PXYLP1: variants seen among roughly 807,000 people sequenced by gnomAD.
PXYLP1 encodes the protein 2-phosphoxylose phosphatase 1.
In PXYLP1, 17 loss-of-function variants were observed where a neutral mutation model predicts 37.9. That is an observed-to-expected ratio of 0.45 (90% CI 0.31 to 0.67). The LOEUF (loss-of-function observed/expected upper bound fraction) is 0.67. Ranked by LOEUF, PXYLP1 falls within the 30% of genes least tolerant of loss-of-function variation. PXYLP1 has a pLI of 0.07. For synonymous variants in PXYLP1, 221 were observed against 232.2 expected (o/e 0.95, Z 0.44); for missense variants, 511 against 612.0 (o/e 0.84, Z 1.74).
At chr3:141,232,891 C>T (rs1457337882) in intron 1 of PXYLP1, among the ~76,000 whole-genome samples, 2 of 151,288 alleles carry the variant, frequency 1.3e-5, no homozygotes, top group South Asian at 4.2e-4. Flanking sequence ...TGTGGAAAGG[C>T]AAGGATCCTT....
intron 3 of PXYLP1, 66 bp downstream of exon 3, chr3:141,278,566 C>A: frequency 6.3e-7 from 1 of 1,585,004 alleles, no homozygotes. Flanking sequence ...CAGCATTGCA[C>A]AGCAGTAAGG....
intron 1 of PXYLP1, among the ~76,000 whole-genome samples, chr3:141,257,922 AAAAAGAGAGAG>A (rs1158116422): frequency 1.0e-4 from 15 of 148,740 alleles, no homozygotes; most frequent in African/African-American, 3.9e-4. Flanking sequence ...AAAAAAAAAA[AAAAAGAGAGAG>A]AGAGAGAAAG....
chr3:141,255,725 A>G (rs1053903838), intron 1 of PXYLP1, among the ~76,000 whole-genome samples: 1 of 152,228 alleles, frequency 6.6e-6, no homozygotes, highest in Non-Finnish European at 1.5e-5. Flanking sequence ...AGATGGCAGG[A>G]AGGGAACCAA....
At chr3:141,278,255 A>T in intron 2 of PXYLP1, 87 bp from the exon 3 acceptor site, 1 of 1,478,440 alleles carries the variant, frequency 6.8e-7, no homozygotes, top group South Asian at 1.2e-5. Flanking sequence ...ATAGCTCCTC[A>T]AAGTGAAATC....
At chr3:141,255,852 C>T (rs995653462) in intron 1 of PXYLP1, among the ~76,000 whole-genome samples, 1 of 152,194 alleles carries the variant, frequency 6.6e-6, no homozygotes, top group African/African-American at 2.4e-5. Flanking sequence ...CCAGAAAGAG[C>T]CAGTTGGCTG....
chr3:141,281,531 T>C (rs1941956333), intron 4 of PXYLP1, among the ~76,000 whole-genome samples: 1 of 152,018 alleles, frequency 6.6e-6, no homozygotes, highest in African/African-American at 2.4e-5. Context: ...GCAGCAGTGG[T>C]GGCAGCATTA....
At chr3:141,284,445 G>A (rs1230782517) in intron 4 of PXYLP1, among the ~76,000 whole-genome samples, 6 of 152,174 alleles carry the variant, frequency 3.9e-5, no homozygotes, top group Admixed American at 3.9e-4. Flanking sequence ...TCAGAAATAG[G>A]ATCTAACCAA....
At chr3:141,262,131 T>C (rs886805067) in intron 2 of PXYLP1, 3 of 329,924 alleles carry the variant, frequency 9.1e-6, no homozygotes, top group African/African-American at 6.7e-5. Flanking sequence ...GAGGAGACTT[T>C]GAGGAAGTTT....
intron 1 of PXYLP1, among the ~76,000 whole-genome samples, chr3:141,243,065 G>A (rs759602075): frequency 6.6e-6 from 1 of 152,192 alleles, no homozygotes; most frequent in Non-Finnish European, 1.5e-5. Context: ...TGGTCTCAGT[G>A]CCAGGGAGGG....
At chr3:141,258,263 C>T (rs907297876) in intron 1 of PXYLP1, among the ~76,000 whole-genome samples, 1 of 152,192 alleles carries the variant, frequency 6.6e-6, no homozygotes, top group Non-Finnish European at 1.5e-5. Flanking sequence ...ACAAGATTTG[C>T]ACCAGAGCTG....
intron 1 of PXYLP1, among the ~76,000 whole-genome samples, chr3:141,233,463 C>CCA (rs1158763652): frequency 0.033 from 2,592 of 79,396 alleles, 18 homozygotes; most frequent in South Asian, 0.054. Context: ...AAAACCCTGT[C>CCA]AAAAAAAAAA....
At chr3:141,268,814 G>T (rs1330183890) in intron 2 of PXYLP1, among the ~76,000 whole-genome samples, 1 of 152,240 alleles carries the variant, frequency 6.6e-6, no homozygotes, top group Non-Finnish European at 1.5e-5. Context: ...CAGAGCCGTA[G>T]CTCAGGGGTG....
intron 5 of PXYLP1, among the ~76,000 whole-genome samples, chr3:141,288,657 G>T (rs910066542): frequency 1.3e-5 from 2 of 152,222 alleles, no homozygotes; most frequent in African/African-American, 2.4e-5. Flanking sequence ...ACTTTGGGAG[G>T]CTGAGGCAGG....
Position 141,292,837 on chromosome 3 carries a change from C to A in PXYLP1, c.1075C>A (p.Arg359=). ...AHPILNQTIG[R]MQRATEGRKE... ...CCCCATCCTGAACCAAACCATCGGC[C>A]GGATGCAGCGTGCCACCGAGGGCAG... The change falls in exon 6 of 6, where the codon CGG becomes AGG. Residue 359 remains arginine (R), a synonymous_variant. Coordinates refer to ENST00000286353, the MANE Select transcript of PXYLP1 (RefSeq NM_001037172.3). This position sits in a 1 kb window ranked among gnomAD's most constrained non-coding sequence, Gnocchi z 4.3. 1.2e-6 allele frequency: 2 copies of A among 1,614,002 alleles called. No homozygotes were observed. Among genetic ancestry groups the A allele is most frequent in the South Asian group, 1.1e-5 (1 of 91,058 alleles).
rs1407993921 is a variant in PXYLP1 at position 141,293,994 on chromosome 3, C to G, written c.*789C>G. On this transcript the variant is annotated 3_prime_UTR_variant, in exon 6 of 6. Transcript: ENST00000286353. ...GTCTGTATCTGACACTAGAACAAAA[C>G]TTGAGGGTAAATAAACATTGAATTA... The G allele has an allele frequency of 1.3e-5, 2 of 152,166 alleles. No individual in the cohort carries two copies. Among genetic ancestry groups the G allele is most frequent in the African/African-American group, 4.8e-5 (2 of 41,436 alleles). 9.4% of individuals were successfully genotyped at this position (152,166 alleles called of 1,614,324 possible).
intron 1 of PXYLP1, among the ~76,000 whole-genome samples, chr3:141,256,709 A>G (rs575838466): frequency 2.0e-5 from 3 of 152,338 alleles, no homozygotes; most frequent in South Asian, 4.1e-4. Context: ...ATGGGCTCCA[A>G]AAGAAGGCAT....
chr3:141,273,507 G>A lies in PXYLP1; in HGVS notation c.80-4835G>A, dbSNP rs1941717738. 4.1e-6 allele frequency: 4 copies of A among 985,338 alleles called. No homozygotes were observed. The African/African-American group carries it at 5.2e-5, about 13-fold the overall frequency. The allele number at this position is 985,338 out of a possible 1,614,324, so 61.0% of individuals were successfully genotyped here. A position where few individuals can be genotyped will look rare whatever the true frequency, so the allele number is the denominator to read the frequency against. On this transcript the variant is annotated intron_variant, in intron 2 of 5. Coordinates refer to ENST00000286353, the MANE Select transcript of PXYLP1 (RefSeq NM_001037172.3). ...ATCCACTGTGCATTCGGGAGATGGG[G>A]TGGGGAAGGGTGGTGGGGAGGGAGC...
At chr3:141,264,662 G>C (rs972587568) in intron 2 of PXYLP1, among the ~76,000 whole-genome samples, 1 of 152,190 alleles carries the variant, frequency 6.6e-6, no homozygotes, top group Non-Finnish European at 1.5e-5. Context: ...ACAGGTAAGA[G>C]GCAGCAGCAC....
rs924213949 is a variant in PXYLP1 at position 141,287,469 on chromosome 3, A to G, written c.505+16A>G. On this transcript the variant is annotated intron_variant, in intron 5 of 5. Coordinates refer to ENST00000286353, the MANE Select transcript of PXYLP1 (RefSeq NM_001037172.3). ...ACACAGACAGGTATGTGTGACCCCC[A>G]TGCGCTCAGGGGTTCCCCCACCCGC... 2 of 1,610,322 alleles carry G rather than the reference A, an allele frequency of 1.2e-6. No homozygotes were observed. The highest frequency in any genetic ancestry group is 1.7e-6 in the Non-Finnish European group (2 of 1,177,682).
Sources: allele counts gnomAD v4.1 joint callset (sites outside exome capture counted in the v4.1 genomes callset), GRCh38; gene constraint gnomAD v4.1.1; non-coding constraint Gnocchi (gnomAD v3.1); transcripts MANE v1.5; gene names NCBI Gene and HGNC (gene_info 2026-07-23, HGNC 2026-07-21).